The following CADM1 variants were observed in gnomAD, a reference collection of about 807,000 sequenced individuals.
CADM1 encodes TSLC-1.
CADM1 carries 15 observed loss-of-function variants against 53.1 expected under a neutral mutation model. The ratio of observed to expected loss-of-function variants is 0.28; its 90% confidence interval spans 0.19 to 0.44. The LOEUF (loss-of-function observed/expected upper bound fraction) is 0.44. Among genes scored for constraint, CADM1 ranks in the 20% least tolerant of loss-of-function variants. CADM1 has a pLI of 1.00. For missense variants in CADM1, 434 were observed against 611.3 expected (o/e 0.71, Z 3.06); for synonymous variants, 281 against 243.0 (o/e 1.16, Z -1.45).
intron 1 of CADM1, among the ~76,000 whole-genome samples, chr11:115,406,547 T>C (rs866487745): frequency 1.0e-4 from 15 of 148,142 alleles, no homozygotes; most frequent in South Asian, 6.2e-4. Context: ...TTATATAATG[T>C]AATACTTATA....
chr11:115,415,235 T>C (rs943064177), intron 1 of CADM1, among the ~76,000 whole-genome samples: 7 of 152,190 alleles, frequency 4.6e-5, no homozygotes, highest in Admixed American at 4.6e-4. Context: ...GCAAACGAAG[T>C]AACACATATG....
At chr11:115,482,630 T>C (rs1284908449) in intron 1 of CADM1, among the ~76,000 whole-genome samples, 1 of 152,204 alleles carries the variant, frequency 6.6e-6, no homozygotes, top group African/African-American at 2.4e-5. Flanking sequence ...TATAAACGTG[T>C]TTCTCTTATA....
chr11:115,381,936 C>T (rs1946588991), intron 1 of CADM1, among the ~76,000 whole-genome samples: 2 of 152,138 alleles, frequency 1.3e-5, no homozygotes, highest in African/African-American at 4.8e-5. Flanking sequence ...ACCTCTGCCT[C>T]CCGGGTTCAA....
chr11:115,351,788 G>A (rs2135061839), intron 1 of CADM1, among the ~76,000 whole-genome samples: 1 of 152,246 alleles, frequency 6.6e-6, no homozygotes, highest in South Asian at 2.1e-4. Flanking sequence ...GGGCATAGGA[G>A]CCCCTCTGCA....
intron 1 of CADM1, among the ~76,000 whole-genome samples, 166 bp downstream of exon 1, chr11:115,504,105 C>T (rs1949796858): frequency 6.6e-6 from 1 of 152,152 alleles, no homozygotes; most frequent in African/African-American, 2.4e-5. Flanking sequence ...TCACAGATGC[C>T]CTCAGCCCCT....
In CADM1 at chr11:115,501,006, A is replaced by C. The variant is rs369072803; in HGVS notation, c.124+3265T>G. 8.5e-5 allele frequency among the ~76,000 whole-genome samples: 13 copies of C among 152,352 alleles called. No homozygotes were observed. In the East Asian group the frequency reaches 1.3e-3, roughly 16 times the overall value. ...GGGGAAAACTGGATAAAGCATGTAC[A>C]ACATCCATATGAATAAAGCTCTTTG... is the stretch of plus-strand genomic sequence containing the variant. On this transcript the variant is annotated intron_variant, in intron 1 of 11. Coordinates refer to ENST00000331581, the MANE Select transcript of CADM1 (RefSeq NM_001301043.2).
chr11:115,206,031 T>C (rs1002912764), intron 8 of CADM1, among the ~76,000 whole-genome samples: 1 of 152,318 alleles, frequency 6.6e-6, no homozygotes, highest in African/African-American at 2.4e-5. Flanking sequence ...CAGCTTAGCA[T>C]AGCCTCCCTT....
At chr11:115,400,661 G>GTGTGTATATATATATATA (rs1295332849) in intron 1 of CADM1, among the ~76,000 whole-genome samples, 1 of 46,560 alleles carries the variant, frequency 2.1e-5, no homozygotes, top group Non-Finnish European at 4.4e-5. Context: ...GTGTGTGTGT[G>GTGTGTATATATATATATA]TATATATATA....
intron 1 of CADM1, among the ~76,000 whole-genome samples, chr11:115,264,625 G>A (rs1434219993): frequency 6.6e-6 from 1 of 152,214 alleles, no homozygotes; most frequent in Non-Finnish European, 1.5e-5. Context: ...GGAACCAGAT[G>A]GAGCTAGACT....
At chr11:115,225,529 G>T (rs1048112308) in intron 5 of CADM1, among the ~76,000 whole-genome samples, 2 of 151,988 alleles carry the variant, frequency 1.3e-5, no homozygotes, top group African/African-American at 4.8e-5. Flanking sequence ...CACATAATTG[G>T]GCACAACAAT....
chr11:115,203,528 G>C (rs941380025), intron 8 of CADM1, among the ~76,000 whole-genome samples: 10 of 152,142 alleles, frequency 6.6e-5, no homozygotes, highest in Admixed American at 3.9e-4. Context: ...TCACTACCAA[G>C]ATAGCTGTAA....
At chr11:115,280,562 C>T (rs149583666) in intron 1 of CADM1, among the ~76,000 whole-genome samples, 1 of 152,332 alleles carries the variant, frequency 6.6e-6, no homozygotes, top group Non-Finnish European at 1.5e-5. Context: ...CCTGATAAGG[C>T]AATCCAGTCC....
chr11:115,188,848 ATT>A (rs1267035578), intron 10 of CADM1, among the ~76,000 whole-genome samples: 1 of 151,934 alleles, frequency 6.6e-6, no homozygotes, highest in Non-Finnish European at 1.5e-5. Flanking sequence ...AAAATAATGT[ATT>A]TTGTTTTAAT....
intron 1 of CADM1, among the ~76,000 whole-genome samples, chr11:115,259,821 A>G (rs1451631915): frequency 6.6e-6 from 1 of 151,614 alleles, no homozygotes; most frequent in Non-Finnish European, 1.5e-5. Context: ...TCCCTCTGTA[A>G]CTCCTGGCTC....
intron 1 of CADM1, among the ~76,000 whole-genome samples, chr11:115,427,194 T>A (rs1947912802): frequency 6.6e-6 from 1 of 152,154 alleles, no homozygotes; most frequent in African/African-American, 2.4e-5. Flanking sequence ...CTCTCACACA[T>A]GTGCACATGG....
At chr11:115,295,550 A>AT (rs371584699) in intron 1 of CADM1, among the ~76,000 whole-genome samples, 734 of 52,900 alleles carry the variant, frequency 0.014, 24 homozygotes, top group East Asian at 0.091. Flanking sequence ...ATATATATAT[A>AT]ATATATATGT....
chr11:115,431,182 A>T (rs1234380944), intron 1 of CADM1, among the ~76,000 whole-genome samples: 1 of 152,208 alleles, frequency 6.6e-6, no homozygotes, highest in Non-Finnish European at 1.5e-5. Flanking sequence ...AATATATGCA[A>T]AGTTTAACTT....
chr11:115,301,207 A>G (rs1944212476), intron 1 of CADM1, among the ~76,000 whole-genome samples: 1 of 152,118 alleles, frequency 6.6e-6, no homozygotes, highest in Non-Finnish European at 1.5e-5. Flanking sequence ...AGAAGAGCCC[A>G]CAGCTACTGA....
intron 9 of CADM1, among the ~76,000 whole-genome samples, chr11:115,191,885 C>G (rs1939892036): frequency 1.3e-5 from 2 of 152,230 alleles, no homozygotes; most frequent in Admixed American, 6.5e-5. Context: ...TCATACTTCT[C>G]TAGTCAGATT....
Sources: gnomAD v4.1 joint callset for allele counts (sites outside exome capture counted in the v4.1 genomes callset) on GRCh38, gnomAD v4.1.1 for gene constraint, MANE v1.5 for transcripts, NCBI Gene and HGNC (gene_info 2026-07-23, HGNC 2026-07-21) for gene names.